Variants in PPFIA2 observed in about 807,000 individuals in gnomAD.
PPFIA2 encodes the protein PPFI scaffold protein A2.
PPFIA2 carries 46 observed loss-of-function variants against 175.5 expected under a neutral mutation model. That is an observed-to-expected ratio of 0.26 (90% CI 0.21 to 0.34). The LOEUF (loss-of-function observed/expected upper bound fraction) is 0.34. Among genes scored for constraint, PPFIA2 ranks in the 10% least tolerant of loss-of-function variants. The pLI is 1.00. For synonymous variants in PPFIA2, 568 were observed against 511.4 expected, an observed-to-expected ratio of 1.11 and a Z score of -1.49; for missense variants, 1,179 against 1,506.1, an observed-to-expected ratio of 0.78 and a Z score of 3.60.
At chr12:81,536,711 A>T (rs2065439555) in intron 4 of PPFIA2, among the ~76,000 whole-genome samples, 4 of 141,680 alleles carry the variant, frequency 2.8e-5, no homozygotes, top group African/African-American at 1.1e-4. Flanking sequence ...TATAGCATGT[A>T]ATATACATAT....
intron 3 of PPFIA2, among the ~76,000 whole-genome samples, chr12:81,740,264 G>A (rs2082167093): frequency 6.6e-6 from 1 of 152,048 alleles, no homozygotes; most frequent in Non-Finnish European, 1.5e-5. Context: ...TGATTGCAAT[G>A]CAAATTGTAA....
chr12:81,440,777 T>A (rs985365133), intron 6 of PPFIA2, among the ~76,000 whole-genome samples: 1 of 150,750 alleles, frequency 6.6e-6, no homozygotes, highest in African/African-American at 2.4e-5. Context: ...GAACTTTGTT[T>A]TAGTTGTTTT....
At chr12:81,291,566 C>T (rs12320200) in intron 24 of PPFIA2, among the ~76,000 whole-genome samples, 55,277 of 151,740 alleles carry the variant, frequency 0.36, 11,721 homozygotes, top group Non-Finnish European at 0.49. Flanking sequence ...TACATAATAT[C>T]TAAAATTTGC....
chr12:81,563,845 T>C (rs751631680), intron 4 of PPFIA2, among the ~76,000 whole-genome samples: 1 of 152,180 alleles, frequency 6.6e-6, no homozygotes, highest in Non-Finnish European at 1.5e-5. Context: ...AATCATATGG[T>C]CCCAGCATTT....
chr12:81,756,626 A>G (rs1328375196), intron 2 of PPFIA2, among the ~76,000 whole-genome samples: 2 of 152,056 alleles, frequency 1.3e-5, no homozygotes, highest in African/African-American at 4.8e-5. Context: ...ACATGTTAAA[A>G]CTTTAGTTCT....
At chr12:81,263,997 C>G (rs748066359) in intron 30 of PPFIA2, among the ~76,000 whole-genome samples, 4 of 152,186 alleles carry the variant, frequency 2.6e-5, no homozygotes, top group Non-Finnish European at 5.9e-5. Flanking sequence ...TGGACACCAT[C>G]CTTTCAATAA....
intron 4 of PPFIA2, among the ~76,000 whole-genome samples, chr12:81,503,521 C>T (rs1002293722): frequency 1.4e-5 from 2 of 143,826 alleles, no homozygotes; most frequent in Non-Finnish European, 3.0e-5. Flanking sequence ...TCTAGATATA[C>T]AGGATTACTC....
intron 17 of PPFIA2, chr12:81,350,296 C>A (rs2059790600): frequency 6.6e-6 from 1 of 152,124 alleles, no homozygotes; most frequent in East Asian, 1.9e-4. Flanking sequence ...TTAGAGTAAT[C>A]AAATATTTAT....
At chr12:81,406,549 CATA>C (rs762413878) in intron 7 of PPFIA2, among the ~76,000 whole-genome samples, 15 of 151,924 alleles carry the variant, frequency 9.9e-5, no homozygotes, top group Non-Finnish European at 1.9e-4. Context: ...ATTTTAATGA[CATA>C]ATTATTTCAA....
intron 18 of PPFIA2, 51 bp downstream of exon 18, chr12:81,347,482 G>A (rs1476110348): frequency 1.4e-6 from 2 of 1,437,112 alleles, no homozygotes; most frequent in Non-Finnish European, 2.0e-6. Context: ...TTTAGCTAAA[G>A]CATCATTAAT....
chr12:81,750,183 A>G (rs1202611758), intron 3 of PPFIA2, among the ~76,000 whole-genome samples: 1 of 143,956 alleles, frequency 6.9e-6, no homozygotes, highest in East Asian at 2.1e-4. Flanking sequence ...GAAAAACATT[A>G]TAGGTAGAGA....
At chr12:81,338,406 T>C (rs939049415) in intron 21 of PPFIA2, among the ~76,000 whole-genome samples, 3 of 152,122 alleles carry the variant, frequency 2.0e-5, no homozygotes, top group Admixed American at 6.6e-5. Flanking sequence ...GTATGTATCA[T>C]GTATGTATAT....
intron 21 of PPFIA2, among the ~76,000 whole-genome samples, chr12:81,327,805 A>G (rs1385140731): frequency 6.6e-6 from 1 of 152,204 alleles, no homozygotes; most frequent in Non-Finnish European, 1.5e-5. Context: ...ATCTAGGAAT[A>G]TTTTGTGAGT....
At chr12:81,354,923 G>A (rs942261103) in intron 16 of PPFIA2, among the ~76,000 whole-genome samples, 1 of 152,162 alleles carries the variant, frequency 6.6e-6, no homozygotes, top group African/African-American at 2.4e-5. Flanking sequence ...GATTACAGGT[G>A]TGAGCCATTG....
intron 7 of PPFIA2, among the ~76,000 whole-genome samples, chr12:81,433,233 G>A (rs1046713175): frequency 5.3e-5 from 8 of 151,974 alleles, no homozygotes; most frequent in Non-Finnish European, 7.4e-5. Flanking sequence ...TAATCATTCT[G>A]TCTCCTCAGC....
chr12:81,342,209 T>C, intron 19 of PPFIA2, among the ~76,000 whole-genome samples: 1 of 152,044 alleles, frequency 6.6e-6, no homozygotes, highest in East Asian at 1.9e-4. Context: ...ACTTAAAATT[T>C]TTTCCAATGT....
At chr12:81,412,430 T>G (rs1769434297) in intron 7 of PPFIA2, among the ~76,000 whole-genome samples, 1 of 151,740 alleles carries the variant, frequency 6.6e-6, no homozygotes, top group African/African-American at 2.4e-5. Flanking sequence ...CTGTGCTAAG[T>G]ACATTATATA....
intron 21 of PPFIA2, among the ~76,000 whole-genome samples, chr12:81,337,730 T>C (rs1389666153): frequency 1.3e-5 from 2 of 152,144 alleles, no homozygotes; most frequent in Non-Finnish European, 2.9e-5. Flanking sequence ...AATATGACTA[T>C]GATGTTAGCA....
At chr12:81,463,529 C>G (rs990889606) in intron 4 of PPFIA2, among the ~76,000 whole-genome samples, 14 of 152,060 alleles carry the variant, frequency 9.2e-5, no homozygotes, top group Non-Finnish European at 2.9e-5. Flanking sequence ...TTTTAAAGAA[C>G]AGTCAAGATC....
Sources: gnomAD v4.1 joint callset for allele counts (sites outside exome capture counted in the v4.1 genomes callset) on GRCh38, gnomAD v4.1.1 for gene constraint, MANE v1.5 for transcripts, NCBI Gene and HGNC (gene_info 2026-07-23, HGNC 2026-07-21) for gene names.